SGCZ: variants seen among roughly 807,000 people sequenced by gnomAD.
The protein encoded by SGCZ is sarcoglycan zeta.
In SGCZ, 40 loss-of-function variants were observed where a neutral mutation model predicts 41.3. That is an observed-to-expected ratio of 0.97 (90% confidence interval 0.75 to 1.26). SGCZ has a LOEUF of 1.26. Among genes scored for constraint, SGCZ ranks in the 50% most tolerant of loss-of-function variants. The pLI is 0.00. For synonymous variants in SGCZ, 206 were observed against 137.5 expected (o/e 1.50, Z -3.49); for missense variants, 552 against 369.8 (o/e 1.49, Z -4.04).
chr8:14,422,952 G>T (rs937294578), intron 2 of SGCZ, among the ~76,000 whole-genome samples: 1 of 152,032 alleles, frequency 6.6e-6, no homozygotes, highest in African/African-American at 2.4e-5. Flanking sequence ...GGTTTAAACT[G>T]AGCAGGACAA....
chr8:14,376,522 T>C (rs956523602), intron 2 of SGCZ, among the ~76,000 whole-genome samples: 3 of 152,020 alleles, frequency 2.0e-5, no homozygotes, highest in Non-Finnish European at 2.9e-5. Context: ...TAGATGAACT[T>C]ATACAGAAGA....
chr8:14,986,100 A>G (rs1241881963), intron 1 of SGCZ, among the ~76,000 whole-genome samples: 1 of 152,128 alleles, frequency 6.6e-6, no homozygotes, highest in Admixed American at 6.6e-5. Flanking sequence ...CATGTATGGC[A>G]CATTTTTAAG....
At chr8:14,913,086 A>C (rs950089276) in intron 1 of SGCZ, among the ~76,000 whole-genome samples, 14 of 152,064 alleles carry the variant, frequency 9.2e-5, no homozygotes, top group Non-Finnish European at 1.9e-4. Flanking sequence ...AAATAGAAAG[A>C]AAAAAATTTA....
intron 4 of SGCZ, among the ~76,000 whole-genome samples, chr8:14,178,960 G>A (rs1804636366): frequency 1.3e-5 from 2 of 152,184 alleles, no homozygotes; most frequent in African/African-American, 4.8e-5. Context: ...AATCAGTTCT[G>A]TGATAGGAGG....
chr8:15,149,176 A>ATT (rs141701374), intron 1 of SGCZ, among the ~76,000 whole-genome samples: 1 of 151,374 alleles, frequency 6.6e-6, no homozygotes, highest in Non-Finnish European at 1.5e-5. Context: ...CATTATTCTT[A>ATT]TTTTTTTTTA....
At chr8:14,994,909 T>C (rs1802160535) in intron 1 of SGCZ, among the ~76,000 whole-genome samples, 1 of 152,200 alleles carries the variant, frequency 6.6e-6, no homozygotes, top group African/African-American at 2.4e-5. Flanking sequence ...GCCAACAAAT[T>C]CCTCAACACC....
chr8:14,581,288 A>G (rs924750751), intron 1 of SGCZ, among the ~76,000 whole-genome samples: 6 of 151,850 alleles, frequency 4.0e-5, no homozygotes, highest in Non-Finnish European at 8.8e-5. Context: ...TTGTATTTTT[A>G]TAGATACGGG....
intron 4 of SGCZ, among the ~76,000 whole-genome samples, chr8:14,233,662 C>T (rs1806653606): frequency 6.7e-6 from 1 of 149,488 alleles, no homozygotes; most frequent in Non-Finnish European, 1.5e-5. Context: ...AAAGATGGTG[C>T]ATAATTTACA....
At chr8:14,965,950 T>C (rs1801114377) in intron 1 of SGCZ, among the ~76,000 whole-genome samples, 1 of 152,050 alleles carries the variant, frequency 6.6e-6, no homozygotes, top group African/African-American at 2.4e-5. Flanking sequence ...AAATGGGAGA[T>C]TGTTTAGATT....
chr8:14,317,746 C>A (rs1377604583), intron 3 of SGCZ, among the ~76,000 whole-genome samples: 2 of 151,664 alleles, frequency 1.3e-5, no homozygotes, highest in African/African-American at 4.8e-5. Context: ...GCAAAAGTAA[C>A]TGTGATTTTT....
intron 3 of SGCZ, among the ~76,000 whole-genome samples, chr8:14,308,488 T>A (rs1801418136): frequency 6.6e-6 from 1 of 152,000 alleles, no homozygotes; most frequent in South Asian, 2.1e-4. Flanking sequence ...GGGTTCAAGC[T>A]TCAATGCAGG....
chr8:14,503,967 C>A (rs1405170969), intron 2 of SGCZ, among the ~76,000 whole-genome samples: 1 of 152,078 alleles, frequency 6.6e-6, no homozygotes, highest in African/African-American at 2.4e-5. Flanking sequence ...AGGGGAAGAA[C>A]AGTGTAAAAA....
intron 1 of SGCZ, among the ~76,000 whole-genome samples, chr8:15,103,736 G>C (rs1806704407): frequency 6.6e-6 from 1 of 152,036 alleles, no homozygotes; most frequent in African/African-American, 2.4e-5. Context: ...GTTAATATTA[G>C]AGACAAACTA....
At chr8:14,618,620 A>C (rs1435015171) in intron 1 of SGCZ, among the ~76,000 whole-genome samples, 1 of 152,198 alleles carries the variant, frequency 6.6e-6, no homozygotes, top group Non-Finnish European at 1.5e-5. Context: ...TTTATTCAGT[A>C]AAAAGTAGAG....
intron 1 of SGCZ, among the ~76,000 whole-genome samples, chr8:15,122,844 C>A (rs1372114895): frequency 6.6e-6 from 1 of 152,128 alleles, no homozygotes; most frequent in Non-Finnish European, 1.5e-5. Context: ...AAAAACTAAG[C>A]TTTCAGTCCA....
At chr8:14,499,872 G>C (rs986215786) in intron 2 of SGCZ, among the ~76,000 whole-genome samples, 3 of 151,822 alleles carry the variant, frequency 2.0e-5, no homozygotes, top group African/African-American at 7.3e-5. Flanking sequence ...AGTATGCTTT[G>C]AGAAACACAT....
intron 1 of SGCZ, among the ~76,000 whole-genome samples, chr8:14,790,459 T>C (rs1029757087): frequency 6.6e-6 from 1 of 152,116 alleles, no homozygotes; most frequent in African/African-American, 2.4e-5. Flanking sequence ...ATCAAACGCA[T>C]AAAAAATGTT....
At chr8:15,049,677 G>T (rs1191486249) in intron 1 of SGCZ, among the ~76,000 whole-genome samples, 3 of 152,086 alleles carry the variant, frequency 2.0e-5, no homozygotes, top group Admixed American at 6.6e-5. Context: ...GTGAGAGATG[G>T]TGATATAGTT....
At chr8:15,128,198 A>G (rs886821991) in intron 1 of SGCZ, among the ~76,000 whole-genome samples, 2 of 152,154 alleles carry the variant, frequency 1.3e-5, no homozygotes, top group Admixed American at 6.5e-5. Flanking sequence ...ACTGGTGGGA[A>G]GAAGAGTTAT....
Sources: gnomAD v4.1 joint callset for allele counts (sites outside exome capture counted in the v4.1 genomes callset) on GRCh38, gnomAD v4.1.1 for gene constraint, MANE v1.5 for transcripts, NCBI Gene and HGNC (gene_info 2026-07-23, HGNC 2026-07-21) for gene names.